ZNF385D: variants seen among roughly 807,000 people sequenced by gnomAD.
ZNF385D encodes the protein zinc finger protein 385D.
A neutral mutation model predicts 35.8 loss-of-function variants in ZNF385D; 15 were observed. The ratio of observed to expected loss-of-function variants is 0.42; its 90% CI spans 0.28 to 0.64. ZNF385D has a LOEUF of 0.64. ZNF385D is among the 30% of genes least tolerant of loss of function. The pLI is 0.23. For synonymous variants in ZNF385D, 212 were observed against 186.8 expected, an observed-to-expected ratio of 1.13 and a Z score of -1.10; for missense variants, 474 against 494.6, an observed-to-expected ratio of 0.96 and a Z score of 0.39.
intron 3 of ZNF385D, among the ~76,000 whole-genome samples, chr3:22,056,853 A>C (rs546388044): frequency 6.6e-6 from 1 of 152,314 alleles, no homozygotes; most frequent in South Asian, 2.1e-4. Flanking sequence ...CATGTGTCTC[A>C]TTGTGGAGCC....
chr3:21,806,553 G>T (rs2072659188), intron 3 of ZNF385D, among the ~76,000 whole-genome samples: 1 of 152,072 alleles, frequency 6.6e-6, no homozygotes, highest in Non-Finnish European at 1.5e-5. Flanking sequence ...ATGTATACGT[G>T]AAACCAGTGC....
intron 1 of ZNF385D, among the ~76,000 whole-genome samples, chr3:21,704,228 G>T (rs1290562624): frequency 1.3e-5 from 2 of 152,126 alleles, no homozygotes; most frequent in Non-Finnish European, 2.9e-5. Context: ...TGGTTGGTTT[G>T]CCTACTCAGT....
At chr3:21,803,274 C>T (rs1487626001) in intron 3 of ZNF385D, among the ~76,000 whole-genome samples, 1 of 151,932 alleles carries the variant, frequency 6.6e-6, no homozygotes, top group Non-Finnish European at 1.5e-5. Context: ...ACTGGTGTGC[C>T]CAAAATGAGA....
At chr3:21,488,756 T>G (rs1390309655) in intron 4 of ZNF385D, among the ~76,000 whole-genome samples, 1 of 152,160 alleles carries the variant, frequency 6.6e-6, no homozygotes, top group African/African-American at 2.4e-5. Context: ...CTGGTCAGTT[T>G]GCTACTTTAG....
intron 2 of ZNF385D, among the ~76,000 whole-genome samples, chr3:22,361,990 C>T (rs1696430140): frequency 6.6e-6 from 1 of 151,464 alleles, no homozygotes; most frequent in Non-Finnish European, 1.5e-5. Context: ...AAATGTAAAT[C>T]CCATCATTTC....
At chr3:21,587,425 C>CTT (rs1276521533) in intron 2 of ZNF385D, among the ~76,000 whole-genome samples, 1 of 152,002 alleles carries the variant, frequency 6.6e-6, no homozygotes, top group African/African-American at 2.4e-5. Context: ...TCAGCAATAC[C>CTT]TTTTTGAAAT....
intron 2 of ZNF385D, among the ~76,000 whole-genome samples, chr3:22,175,906 AATATATATT>A (rs1216519846): frequency 6.7e-6 from 1 of 148,780 alleles, no homozygotes; most frequent in Non-Finnish European, 1.5e-5. Context: ...TAAAACATTA[AATATATATT>A]ATATATAATA....
In ZNF385D at chr3:21,421,149, C is replaced by A. The variant is rs1700714397; in HGVS notation, c.*65G>T. The A allele has an allele frequency of 2.2e-6, 3 of 1,335,714 alleles. No homozygotes were observed. The highest frequency in any genetic ancestry group is 3.2e-6 in the Non-Finnish European group (3 of 950,260). The allele number at this position is 1,335,714 out of a possible 1,614,324, so 82.7% of individuals were successfully genotyped here. A position where few individuals can be genotyped will look rare whatever the true frequency, so the allele number is the denominator to read the frequency against. On this transcript the variant is annotated 3_prime_UTR_variant, in exon 8 of 8. Transcript: ENST00000281523. ...CTATAAATAAACACTGCATAGTTCT[C>A]TTTTGTTTGTTTTGTTTTTTGTTTT...
intron 2 of ZNF385D, among the ~76,000 whole-genome samples, chr3:22,231,093 A>C (rs954679365): frequency 3.9e-5 from 6 of 152,186 alleles, no homozygotes; most frequent in African/African-American, 1.4e-4. Flanking sequence ...ACTCTTAAAT[A>C]TGGCCTTTAA....
chr3:21,901,257 G>T (rs550671300), intron 3 of ZNF385D, among the ~76,000 whole-genome samples: 2 of 152,180 alleles, frequency 1.3e-5, no homozygotes, highest in Non-Finnish European at 2.9e-5. Flanking sequence ...GATTACAGGC[G>T]TGAGCCACTT....
chr3:21,674,384 T>C (rs1421742390), intron 1 of ZNF385D, among the ~76,000 whole-genome samples: 4 of 152,072 alleles, frequency 2.6e-5, no homozygotes, highest in African/African-American at 7.2e-5. Flanking sequence ...TGGGACACTA[T>C]ACATATGGGT....
intron 3 of ZNF385D, among the ~76,000 whole-genome samples, chr3:22,091,651 C>G (rs940058956): frequency 2.0e-5 from 3 of 152,130 alleles, no homozygotes; most frequent in African/African-American, 7.2e-5. Flanking sequence ...CAGCTTCTCA[C>G]CTATTTCCTA....
At chr3:21,956,916 G>C (rs1702320268) in intron 3 of ZNF385D, among the ~76,000 whole-genome samples, 2 of 151,870 alleles carry the variant, frequency 1.3e-5, no homozygotes, top group South Asian at 4.2e-4. Flanking sequence ...TGGTGATATA[G>C]TTTGGCTGTG....
intron 2 of ZNF385D, among the ~76,000 whole-genome samples, chr3:22,335,372 G>C (rs1427968864): frequency 1.3e-5 from 2 of 152,136 alleles, no homozygotes; most frequent in Non-Finnish European, 2.9e-5. Flanking sequence ...GCTCATGTGA[G>C]TGACTGTTGC....
intron 4 of ZNF385D, among the ~76,000 whole-genome samples, chr3:21,484,291 G>C (rs914156007): frequency 2.6e-5 from 4 of 152,122 alleles, no homozygotes; most frequent in African/African-American, 9.7e-5. Context: ...AGTAGAAGTG[G>C]TTCATAGGAA....
At chr3:22,238,738 A>G (rs890895666) in intron 2 of ZNF385D, among the ~76,000 whole-genome samples, 1 of 150,622 alleles carries the variant, frequency 6.6e-6, no homozygotes, top group African/African-American at 2.5e-5. Flanking sequence ...TTTTTTATAT[A>G]TAGATTTTTT....
At chr3:21,542,885 C>A (rs1345937680) in intron 3 of ZNF385D, 1 of 152,416 alleles carries the variant, frequency 6.6e-6, no homozygotes. Flanking sequence ...TTTAAACCTT[C>A]TCCAAACCTA....
At chr3:21,828,583 T>C (rs1025784059) in intron 3 of ZNF385D, among the ~76,000 whole-genome samples, 11 of 152,252 alleles carry the variant, frequency 7.2e-5, no homozygotes, top group South Asian at 4.1e-4. Flanking sequence ...CAAATATTTA[T>C]TGGCTACCTA....
At chr3:21,595,382 ATATG>A (rs1215014860) in intron 2 of ZNF385D, among the ~76,000 whole-genome samples, 3 of 151,304 alleles carry the variant, frequency 2.0e-5, no homozygotes, top group Non-Finnish European at 4.4e-5. Flanking sequence ...ATCCCATTAT[ATATG>A]TATGTTTTAT....
Sources: gnomAD v4.1 joint callset for allele counts (sites outside exome capture counted in the v4.1 genomes callset) on GRCh38, gnomAD v4.1.1 for gene constraint, MANE v1.5 for transcripts, NCBI Gene and HGNC (gene_info 2026-07-23, HGNC 2026-07-21) for gene names.